The following ABCC1 variants were observed in gnomAD, a reference collection of about 807,000 sequenced individuals.
ABCC1 encodes ATP binding cassette subfamily C member 1 (ABCC1 blood group), also known as multidrug resistance-associated protein 1.
In ABCC1, 83 loss-of-function variants were observed where a neutral mutation model predicts 172.9. The observed-to-expected ratio is 0.48, with a 90% CI of 0.40 to 0.58. The LOEUF (loss-of-function observed/expected upper bound fraction) is 0.58. Ranked by LOEUF, ABCC1 falls within the 20% of genes least tolerant of loss-of-function variation. ABCC1 has a pLI of 0.00. For synonymous variants in ABCC1, 937 were observed against 825.2 expected (o/e 1.14, Z -2.32); for missense variants, 1,817 against 2,002.7 (o/e 0.91, Z 1.77).
intron 5 of ABCC1, among the ~76,000 whole-genome samples, chr16:16,021,641 C>T (rs543632133): frequency 6.6e-5 from 10 of 152,170 alleles, no homozygotes; most frequent in East Asian, 5.8e-4. Flanking sequence ...TGCTTGTGCC[C>T]GGGAGGCGGA....
chr16:16,135,175 A>G (rs1175777573), intron 28 of ABCC1, among the ~76,000 whole-genome samples: 6 of 152,186 alleles, frequency 3.9e-5, no homozygotes. Context: ...AAGACTTTTT[A>G]ATTTTCGATT....
chr16:15,955,169 A>C (rs1193898395), intron 1 of ABCC1, among the ~76,000 whole-genome samples: 1 of 152,180 alleles, frequency 6.6e-6, no homozygotes, highest in South Asian at 2.1e-4. Flanking sequence ...CAGTCTGGGC[A>C]GAATGGTGAA....
rs1429034048 is a variant in ABCC1, at chr16:16,033,486, AGTT to A, written c.677+317_677+319del. On this transcript the variant is annotated intron_variant, in intron 6 of 30. Transcript: ENST00000399410. Reference sequence around the variant, plus strand: ...TTTGGGTTTTTAAAATATTAGGTATAGTTATTATTGACATTGTCCCCCTCCTGT... The same window carrying A: ...TTTGGGTTTTTAAAATATTAGGTATAATTATTGACATTGTCCCCCTCCTGT... 5.9e-5 allele frequency among the ~76,000 whole-genome samples: 9 copies of A among 152,198 alleles called. 1 individual carries two copies. The highest frequency in any genetic ancestry group is 1.4e-4 in the African/African-American group (6 of 41,458).
chr16:16,059,249 G>A (rs1341661363), intron 12 of ABCC1, among the ~76,000 whole-genome samples: 1 of 152,172 alleles, frequency 6.6e-6, no homozygotes, highest in Admixed American at 6.5e-5. Context: ...TGGTGTGTAT[G>A]CACATTAAAT....
rs45442692 is a variant in ABCC1 at position 16,007,796 on chromosome 16, G to A, written c.49-20G>A. Reference sequence around the variant, plus strand: ...CTGGGGTGTGTCCTGCTGACCCCTCGCCTGTGTTTGTGTTCGCAGGACTGG... The same window carrying A: ...CTGGGGTGTGTCCTGCTGACCCCTCACCTGTGTTTGTGTTCGCAGGACTGG... On this transcript the variant is annotated intron_variant, in intron 1 of 30. Transcript: ENST00000399410. 1.2e-4 allele frequency: 198 copies of A among 1,600,564 alleles called. 1 individual carries two copies. In the African/African-American group the frequency reaches 2.1e-3, roughly 17 times the overall value.
chr16:16,031,258 G>A (rs1411914327), intron 5 of ABCC1, among the ~76,000 whole-genome samples: 1 of 152,162 alleles, frequency 6.6e-6, no homozygotes, highest in Non-Finnish European at 1.5e-5. Flanking sequence ...CACAAGGCTG[G>A]AACTTTGAGT....
chr16:15,997,385 C>T (rs906911740), intron 1 of ABCC1, among the ~76,000 whole-genome samples: 1 of 152,194 alleles, frequency 6.6e-6, no homozygotes, highest in African/African-American at 2.4e-5. Context: ...GCCACCGCGC[C>T]CAGCCGACTT....
chr16:16,095,256 A>T (rs963232443), intron 19 of ABCC1: 1 of 152,232 alleles, frequency 6.6e-6, no homozygotes, highest in African/African-American at 2.4e-5. Context: ...TTTTTAAGGG[A>T]TTTAAAAAAA....
At position 16,083,666 on chromosome 16, in the gene ABCC1, G is replaced by T; in HGVS notation, c.2292+124G>T. ...CTGACCCGGCAGGGCTCAGCTGGGC[G>T]GCTCTGCTGCACGCTGCAGGCCAGC... On this transcript the variant is annotated intron_variant, in intron 17 of 30. Coordinates refer to ENST00000399410, the MANE Select transcript of ABCC1 (RefSeq NM_004996.4). 4 of 1,283,828 alleles carry T rather than the reference G, an allele frequency of 3.1e-6. No individual in the cohort carries two copies. In the South Asian group the frequency reaches 5.5e-5, roughly 18 times the overall value. The allele number at this position is 1,283,828 out of a possible 1,614,324, so 79.5% of individuals were successfully genotyped here. A position where few individuals can be genotyped will look rare whatever the true frequency, so the allele number is the denominator to read the frequency against.
chr16:16,048,366 C>T, intron 10 of ABCC1, 63 bp downstream of exon 10: 1 of 1,583,194 alleles, frequency 6.3e-7, no homozygotes, highest in South Asian at 1.1e-5. Context: ...GGGCAGTGGG[C>T]CGAGGGAGTG....
intron 1 of ABCC1, 47 bp from the exon 2 acceptor site, chr16:16,007,769 C>T: frequency 6.4e-7 from 1 of 1,561,942 alleles, no homozygotes; most frequent in Non-Finnish European, 8.7e-7. Flanking sequence ...AGCTCCTGTC[C>T]TCTGGGGTGT....
intron 12 of ABCC1, among the ~76,000 whole-genome samples, chr16:16,065,236 T>C (rs1315934282): frequency 6.6e-6 from 1 of 152,082 alleles, no homozygotes; most frequent in African/African-American, 2.4e-5. Flanking sequence ...CACTGAAAAA[T>C]AGGTTGACTT....
chr16:16,068,123 C>T (rs1349700038), intron 12 of ABCC1, 33 bp from the exon 13 acceptor site: 9 of 1,613,174 alleles, frequency 5.6e-6, no homozygotes, highest in Non-Finnish European at 7.6e-6. Context: ...TCACTCGGGG[C>T]ACAGCAGTCA....
rs374082004 is a variant in ABCC1, at chr16:16,136,561, G to A, written c.4209G>A (p.Leu1403=). The A allele has an allele frequency of 8.1e-6, 13 of 1,614,154 alleles. No individual in the cohort carries two copies. Among genetic ancestry groups the A allele is most frequent in the Non-Finnish European group, 1.1e-5 (13 of 1,180,034 alleles). ...CGGATGAAGAAGTCTGGACGTCCCT[G>A]GAGCTGGCCCACCTGAAGGACTTCG... ...QYSDEEVWTS[L]ELAHLKDFVS... Residue 1403 remains leucine (L), a synonymous_variant, in exon 29 of 31, where the codon CTG becomes CTA. Coordinates refer to ENST00000399410, the MANE Select transcript of ABCC1 (RefSeq NM_004996.4).
chr16:16,033,255 C>G, intron 6 of ABCC1, 85 bp downstream of exon 6: 4 of 1,328,130 alleles, frequency 3.0e-6, no homozygotes, highest in South Asian at 1.2e-5. Context: ...TCAGCTCCCC[C>G]TCCCCAACTT....
At chr16:16,025,161 C>T (rs1014299485) in intron 5 of ABCC1, among the ~76,000 whole-genome samples, 9 of 152,170 alleles carry the variant, frequency 5.9e-5, no homozygotes, top group African/African-American at 1.4e-4. Context: ...TTACGTTATA[C>T]TGGCAAATCT....
intron 19 of ABCC1, among the ~76,000 whole-genome samples, chr16:16,101,809 C>T (rs1378482766): frequency 6.6e-6 from 1 of 152,212 alleles, no homozygotes; most frequent in Non-Finnish European, 1.5e-5. Context: ...CTGTCATTGT[C>T]ATTGTTGATG....
At chr16:15,993,211 A>G (rs1162065448) in intron 1 of ABCC1, among the ~76,000 whole-genome samples, 1 of 152,206 alleles carries the variant, frequency 6.6e-6, no homozygotes, top group African/African-American at 2.4e-5. Context: ...TAGGTGCTCA[A>G]TAAACAGTCA....
chr16:16,004,538 T>C lies in ABCC1; in HGVS notation c.49-3278T>C, dbSNP rs546297908. ...CCTTCTCCACGATCAACTTCTTCTTTACAAGGCTGTGTTCCAAATACGCCA... is the reference window on the plus strand; with the variant it reads ...CCTTCTCCACGATCAACTTCTTCTTCACAAGGCTGTGTTCCAAATACGCCA... On this transcript the variant is annotated intron_variant, in intron 1 of 30. Transcript: ENST00000399410. Among the ~76,000 whole-genome samples the C allele has an allele frequency of 8.7e-4, 132 of 152,316 alleles. 1 individual carries two copies. The highest frequency in any genetic ancestry group is 2.8e-3 in the African/African-American group (117 of 41,576).
Sources: allele counts gnomAD v4.1 joint callset (sites outside exome capture counted in the v4.1 genomes callset), GRCh38; gene constraint gnomAD v4.1.1; transcripts MANE v1.5; gene names NCBI Gene and HGNC (gene_info 2026-07-23, HGNC 2026-07-21).